The following BMPER variants were observed in gnomAD, a reference collection of about 807,000 sequenced individuals.
BMPER encodes BMP-binding endothelial regulator protein.
Under a neutral mutation model 87.3 loss-of-function variants are expected in BMPER, and 45 were observed. The ratio of observed to expected loss-of-function variants is 0.52; its 90% confidence interval spans 0.41 to 0.66. The LOEUF (loss-of-function observed/expected upper bound fraction) is 0.66, where lower values mean the gene tolerates loss of function less well. BMPER is among the 30% of genes least tolerant of loss of function. BMPER has a pLI of 0.00. For synonymous variants in BMPER, 326 were observed against 316.2 expected (o/e 1.03, Z -0.33); for missense variants, 784 against 867.5 (o/e 0.90, Z 1.21).
chr7:33,956,668 A>G (rs948415514), intron 3 of BMPER, among the ~76,000 whole-genome samples: 1 of 152,142 alleles, frequency 6.6e-6, no homozygotes, highest in Non-Finnish European at 1.5e-5. Context: ...GAGGATGAAG[A>G]CGTGTGTGAT....
At chr7:34,034,595 A>C (rs947326664) in intron 6 of BMPER, among the ~76,000 whole-genome samples, 1 of 152,208 alleles carries the variant, frequency 6.6e-6, no homozygotes, top group Admixed American at 6.5e-5. Flanking sequence ...TCTCCACTGA[A>C]GTGGCAAGGG....
intron 6 of BMPER, among the ~76,000 whole-genome samples, chr7:34,006,698 T>A (rs1786742327): frequency 6.6e-6 from 1 of 152,114 alleles, no homozygotes; most frequent in Non-Finnish European, 1.5e-5. Context: ...AATGCTATTT[T>A]ACTTGCAAAC....
At chr7:33,999,582 A>C (rs1027479922) in intron 6 of BMPER, among the ~76,000 whole-genome samples, 2 of 152,204 alleles carry the variant, frequency 1.3e-5, no homozygotes, top group African/African-American at 2.4e-5. Flanking sequence ...ATTTTGCCTC[A>C]TATCAGTTTC....
intron 6 of BMPER, among the ~76,000 whole-genome samples, chr7:34,021,482 T>C (rs1787186197): frequency 6.6e-6 from 1 of 152,050 alleles, no homozygotes; most frequent in African/African-American, 2.4e-5. Context: ...GATACTTTGC[T>C]TAGTTTTCAC....
Position 33,905,705 on chromosome 7 carries a change from G to A in BMPER, c.92G>A (p.Cys31Tyr), listed in dbSNP as rs1322755881. ...TGCTGCGTCTTGCTGCTACTCAATT[G>A]CTCGGGGGTCCCCATGTCTCTGGCT... ...ITCCVLLLLN[C>Y]SGVPMSLASS... The change falls in exon 1 of 15, where the codon TGC (cysteine) becomes TAC (tyrosine). Residue 31 changes from cysteine (C) to tyrosine (Y), a missense_variant. Cys to Tyr is a radical substitution (Grantham distance 194). Transcript: ENST00000649409. 2 of 1,613,404 alleles carry A rather than the reference G, an allele frequency of 1.2e-6. No homozygotes were observed. Among genetic ancestry groups the A allele is most frequent in the Non-Finnish European group, 1.7e-6 (2 of 1,179,918 alleles).
chr7:34,060,144 C>G lies in BMPER; in HGVS notation c.1033-1858C>G, dbSNP rs546357818. Among the ~76,000 whole-genome samples the G allele has an allele frequency of 2.0e-5, 3 of 152,282 alleles. No homozygotes were observed. The East Asian group carries it at 5.8e-4, about 29-fold the overall frequency. On this transcript the variant is annotated intron_variant, in intron 10 of 14. Coordinates refer to ENST00000649409, the MANE Select transcript of BMPER (RefSeq NM_001365308.1). ...GTCTTACGGCTAATTGCATATTACA[C>G]AGGTGCTCTGACTTTACAGCTTGTA...
chr7:34,082,501 G>A (rs945217375), intron 12 of BMPER, among the ~76,000 whole-genome samples: 3 of 152,218 alleles, frequency 2.0e-5, no homozygotes. Context: ...GCATTGGTCT[G>A]TGAAAAATCT....
intron 5 of BMPER, among the ~76,000 whole-genome samples, chr7:33,971,663 C>T (rs1785550330): frequency 6.6e-6 from 1 of 152,084 alleles, no homozygotes. Context: ...CCAGGCTGCA[C>T]ACCAGAGTCA....
At chr7:34,023,135 A>G (rs769102932) in intron 6 of BMPER, among the ~76,000 whole-genome samples, 1 of 152,036 alleles carries the variant, frequency 6.6e-6, no homozygotes, top group Non-Finnish European at 1.5e-5. Context: ...TAGGCCTTCA[A>G]ATTTTCCCAA....
chr7:34,125,682 A>G lies in BMPER; in HGVS notation c.1746-17548A>G, dbSNP rs77195071. On this transcript the variant is annotated intron_variant, in intron 13 of 14. Transcript: ENST00000649409. ...CAGCATGACAGAGAGAAATAAGCAC[A>G]TCCTTTCTTAGTCATGTATCTTTCA... Among the ~76,000 whole-genome samples the G allele has an allele frequency of 4.8e-3, 733 of 152,334 alleles. 6 individuals are homozygous for G. Among genetic ancestry groups the G allele is most frequent in the African/African-American group, 0.016 (654 of 41,578 alleles).
chr7:34,072,587 C>G (rs892152601), intron 11 of BMPER, among the ~76,000 whole-genome samples: 4 of 152,118 alleles, frequency 2.6e-5, no homozygotes, highest in Admixed American at 2.6e-4. Context: ...GCTAAGGGCC[C>G]TTGTGAATAC....
At chr7:33,970,184 T>C (rs1247847644) in intron 4 of BMPER, 145 bp from the exon 5 acceptor site, 6 of 749,320 alleles carry the variant, frequency 8.0e-6, no homozygotes, top group Non-Finnish European at 1.2e-5. Context: ...TCTCACCTCG[T>C]TGGTGTCTCA....
At chr7:33,936,271 C>G (rs1001295056) in intron 2 of BMPER, among the ~76,000 whole-genome samples, 2 of 152,178 alleles carry the variant, frequency 1.3e-5, no homozygotes, top group African/African-American at 4.8e-5. Flanking sequence ...AGTTGCTCCT[C>G]TCCAACCTGC....
chr7:34,076,503 A>C (rs562803524), intron 11 of BMPER, among the ~76,000 whole-genome samples: 3 of 152,180 alleles, frequency 2.0e-5, no homozygotes, highest in South Asian at 4.1e-4. Context: ...TTCACTTAAC[A>C]TGTCATAAGC....
chr7:34,111,116 T>G lies in BMPER; in HGVS notation c.1745+25024T>G, dbSNP rs182800704. On this transcript the variant is annotated intron_variant, in intron 13 of 14. Coordinates refer to ENST00000649409, the MANE Select transcript of BMPER (RefSeq NM_001365308.1). ...ATTAGTTTTCAGTGACATGGTCCTG[T>G]TAACAACTTGTTGGAAAAATTATTG... is the stretch of plus-strand genomic sequence containing the variant. Among the ~76,000 whole-genome samples, 122 of 152,372 alleles carry G rather than the reference T, an allele frequency of 8.0e-4. 1 individual carries two copies. The highest frequency in any genetic ancestry group is 1.5e-3 in the Admixed American group (23 of 15,308).
In BMPER at chr7:33,913,613, G is replaced by C. The variant is rs191034450; in HGVS notation, c.219+6710G>C. 2.5e-3 allele frequency among the ~76,000 whole-genome samples: 385 copies of C among 152,232 alleles called. 1 individual carries two copies. Among genetic ancestry groups the C allele is most frequent in the African/African-American group, 8.1e-3 (336 of 41,536 alleles). ...TCTTTGACTACATTCCAGTTCTAGA[G>C]TATTTACGTGAATACCAAAGGTATT... On this transcript the variant is annotated intron_variant, in intron 2 of 14. Coordinates refer to ENST00000649409, the MANE Select transcript of BMPER (RefSeq NM_001365308.1).
At chr7:34,093,092 A>G (rs1245180625) in intron 13 of BMPER, among the ~76,000 whole-genome samples, 2 of 152,170 alleles carry the variant, frequency 1.3e-5, no homozygotes, top group Non-Finnish European at 2.9e-5. Flanking sequence ...GCTAGAAGGA[A>G]CTCAAGTGGT....
intron 6 of BMPER, among the ~76,000 whole-genome samples, chr7:34,012,676 A>G (rs1408645558): frequency 6.6e-6 from 1 of 151,914 alleles, no homozygotes; most frequent in Non-Finnish European, 1.5e-5. Context: ...CAATAATACT[A>G]ATAGAAGAAT....
intron 7 of BMPER, among the ~76,000 whole-genome samples, chr7:34,049,134 T>G (rs1788073273): frequency 6.6e-6 from 1 of 152,210 alleles, no homozygotes; most frequent in Admixed American, 6.5e-5. Context: ...TTCCTTGTTT[T>G]CCTCATTCTC....
Sources: allele counts gnomAD v4.1 joint callset (sites outside exome capture counted in the v4.1 genomes callset), GRCh38; gene constraint gnomAD v4.1.1; transcripts MANE v1.5; gene names NCBI Gene and HGNC (gene_info 2026-07-23, HGNC 2026-07-21).